Variants in LRMDA observed in about 807,000 individuals in gnomAD.
LRMDA encodes leucine-rich melanocyte differentiation-associated protein.
LRMDA carries 18 observed loss-of-function variants against 29.8 expected under a neutral mutation model. The observed-to-expected ratio is 0.60, with a 90% CI of 0.42 to 0.90. The LOEUF is 0.90. Ranked by LOEUF, LRMDA falls within the 40% of genes least tolerant of loss-of-function variation. The probability of loss-of-function intolerance (pLI) is 0.00; values close to 1 mark genes in which losing one functional copy is unlikely to be tolerated. For missense variants in LRMDA, 273 were observed against 273.9 expected (o/e 1.00, Z 0.02); for synonymous variants, 125 against 109.4 (o/e 1.14, Z -0.89).
chr10:76,058,400 C>T (rs558329234), intron 4 of LRMDA, among the ~76,000 whole-genome samples: 39 of 151,818 alleles, frequency 2.6e-4, no homozygotes, highest in African/African-American at 8.7e-4. Flanking sequence ...GGCTAACCCA[C>T]GTGTGTGTGT....
chr10:76,523,789 T>G (rs2132364878), intron 6 of LRMDA, among the ~76,000 whole-genome samples: 1 of 152,260 alleles, frequency 6.6e-6, no homozygotes, highest in Non-Finnish European at 1.5e-5. Context: ...CTATTTCTGG[T>G]TTTTGACGTT....
chr10:76,069,698 CTCT>C (rs1425084972), intron 5 of LRMDA, among the ~76,000 whole-genome samples: 1 of 151,350 alleles, frequency 6.6e-6, no homozygotes, highest in Non-Finnish European at 1.5e-5. Flanking sequence ...AGTGAGTCAC[CTCT>C]TCTTTTTTTG....
At chr10:75,719,377 C>A (rs939044135) in intron 2 of LRMDA, among the ~76,000 whole-genome samples, 1 of 152,134 alleles carries the variant, frequency 6.6e-6, no homozygotes, top group African/African-American at 2.4e-5. Context: ...GACAAGGTAA[C>A]CAGCTGTTCT....
At chr10:76,138,314 C>T (rs190516435) in intron 5 of LRMDA, among the ~76,000 whole-genome samples, 111 of 152,228 alleles carry the variant, frequency 7.3e-4, no homozygotes, top group South Asian at 2.9e-3. Context: ...GGGACAGGTT[C>T]TGGACAGCTT....
At chr10:76,244,247 C>T (rs1480032673) in intron 5 of LRMDA, among the ~76,000 whole-genome samples, 1 of 152,160 alleles carries the variant, frequency 6.6e-6, no homozygotes. Context: ...TGAAAGCTCA[C>T]CCAACTCAGT....
intron 2 of LRMDA, among the ~76,000 whole-genome samples, chr10:75,463,295 G>A (rs1479116118): frequency 6.6e-6 from 1 of 152,122 alleles, no homozygotes; most frequent in East Asian, 1.9e-4. Context: ...AATTCTGTAG[G>A]TCTGGGGTTG....
At chr10:75,708,647 T>A (rs1000520555) in intron 2 of LRMDA, among the ~76,000 whole-genome samples, 2 of 151,962 alleles carry the variant, frequency 1.3e-5, no homozygotes, top group African/African-American at 2.4e-5. Context: ...AGATAGGAGA[T>A]CATTGGCTCA....
chr10:75,575,186 C>G (rs954740247), intron 2 of LRMDA, among the ~76,000 whole-genome samples: 2 of 152,176 alleles, frequency 1.3e-5, no homozygotes, highest in Non-Finnish European at 2.9e-5. Flanking sequence ...CCTACCAGGC[C>G]CTGCCTACAG....
intron 2 of LRMDA, among the ~76,000 whole-genome samples, chr10:76,008,628 C>G (rs1474176861): frequency 1.3e-5 from 2 of 152,246 alleles, no homozygotes; most frequent in Non-Finnish European, 2.9e-5. Flanking sequence ...TACACACTCC[C>G]ATGGCTGTCC....
chr10:76,313,672 T>C (rs904780920), intron 5 of LRMDA, among the ~76,000 whole-genome samples: 1 of 152,174 alleles, frequency 6.6e-6, no homozygotes, highest in Non-Finnish European at 1.5e-5. Context: ...GCCAAGTCTC[T>C]GGGAAAAAAA....
intron 6 of LRMDA, among the ~76,000 whole-genome samples, chr10:76,429,849 GA>G (rs1262745409): frequency 1.3e-5 from 2 of 152,166 alleles, no homozygotes; most frequent in Non-Finnish European, 2.9e-5. Flanking sequence ...GGCGCCTGCC[GA>G]GATGGAATTG....
At chr10:75,802,547 C>T (rs1843771543) in intron 2 of LRMDA, among the ~76,000 whole-genome samples, 1 of 152,062 alleles carries the variant, frequency 6.6e-6, no homozygotes, top group South Asian at 2.1e-4. Context: ...GGACTGATAG[C>T]TGGTTTGTTT....
intron 2 of LRMDA, among the ~76,000 whole-genome samples, chr10:75,845,072 A>G (rs1844609232): frequency 6.6e-6 from 1 of 152,204 alleles, no homozygotes; most frequent in Non-Finnish European, 1.5e-5. Flanking sequence ...TAATTTTTGT[A>G]TAAAATTGAA....
At chr10:75,605,986 T>C (rs1840951455) in intron 2 of LRMDA, among the ~76,000 whole-genome samples, 1 of 152,180 alleles carries the variant, frequency 6.6e-6, no homozygotes. Flanking sequence ...GGCTCCCAAG[T>C]AGCTGTAACT....
chr10:75,648,404 C>T (rs755157481), intron 2 of LRMDA, among the ~76,000 whole-genome samples: 7 of 152,130 alleles, frequency 4.6e-5, no homozygotes, highest in Non-Finnish European at 1.0e-4. Flanking sequence ...AAAGAAAACC[C>T]GGGAAAAGTG....
At chr10:76,070,944 G>T (rs1452318005) in intron 5 of LRMDA, among the ~76,000 whole-genome samples, 1 of 152,146 alleles carries the variant, frequency 6.6e-6, no homozygotes, top group Non-Finnish European at 1.5e-5. Context: ...GAGGCTCCTT[G>T]CCACTGATGG....
intron 2 of LRMDA, among the ~76,000 whole-genome samples, chr10:75,461,925 A>G (rs1844590491): frequency 6.6e-6 from 1 of 152,252 alleles, no homozygotes. Context: ...CAAGCAACTC[A>G]AACCATTTTC....
At chr10:75,435,140 G>C (rs1302823028) in intron 1 of LRMDA, among the ~76,000 whole-genome samples, 1 of 152,216 alleles carries the variant, frequency 6.6e-6, no homozygotes, top group Non-Finnish European at 1.5e-5. Context: ...TTGAATCTTT[G>C]TTCCTCAATG....
chr10:76,001,028 A>T (rs1225760725), intron 2 of LRMDA, among the ~76,000 whole-genome samples: 1 of 152,146 alleles, frequency 6.6e-6, no homozygotes, highest in African/African-American at 2.4e-5. Flanking sequence ...AAGTCATATA[A>T]CTTGCCCATA....
Sources: gnomAD v4.1 joint callset for allele counts (sites outside exome capture counted in the v4.1 genomes callset) on GRCh38, gnomAD v4.1.1 for gene constraint, MANE v1.5 for transcripts, NCBI Gene and HGNC (gene_info 2026-07-23, HGNC 2026-07-21) for gene names.